SUMF1: variants seen among roughly 807,000 people sequenced by gnomAD.
The protein encoded by SUMF1 is sulfatase modifying factor 1.
A neutral mutation model predicts 47.6 loss-of-function variants in SUMF1; 48 were observed. That is an observed-to-expected ratio of 1.01 (90% CI 0.80 to 1.28). The LOEUF is 1.28. Among genes scored for constraint, SUMF1 ranks in the 50% most tolerant of loss-of-function variants. The probability of loss-of-function intolerance (pLI) is 0.00; values close to 1 mark genes in which losing one functional copy is unlikely to be tolerated. For missense variants in SUMF1, 571 were observed against 485.4 expected (o/e 1.18, Z -1.66); for synonymous variants, 230 against 192.1 (o/e 1.20, Z -1.63).
intron 8 of SUMF1, among the ~76,000 whole-genome samples, chr3:4,136,236 C>A (rs529507976): frequency 1.2e-4 from 18 of 152,184 alleles, no homozygotes; most frequent in Non-Finnish European, 2.5e-4. Flanking sequence ...TACTACAAGG[C>A]TACAGTAACC....
rs1699781379 is a variant in SUMF1, at chr3:4,362,109, C to A, written c.*35G>T. Reference sequence around the variant, plus strand: ...AAAGCCCAATGTAGGTCAGACACGACTGCTCCTTGGACTGGGGAAGACTTT... The same window carrying A: ...AAAGCCCAATGTAGGTCAGACACGAATGCTCCTTGGACTGGGGAAGACTTT... On this transcript the variant is annotated 3_prime_UTR_variant, in exon 9 of 9. Transcript: ENST00000272902. 6.3e-7 allele frequency: 1 copy of A among 1,595,364 alleles called. No homozygotes were observed. Among genetic ancestry groups the A allele is most frequent in the Non-Finnish European group, 8.6e-7 (1 of 1,163,600 alleles).
chr3:4,090,915 A>C (rs1692771547), intron 8 of SUMF1, among the ~76,000 whole-genome samples: 1 of 152,034 alleles, frequency 6.6e-6, no homozygotes, highest in Admixed American at 6.5e-5. Context: ...CCTCATCTCT[A>C]CTAAAATTAC....
chr3:4,430,923 C>G (rs1402697926), intron 3 of SUMF1, among the ~76,000 whole-genome samples: 1 of 152,114 alleles, frequency 6.6e-6, no homozygotes, highest in African/African-American at 2.4e-5. Flanking sequence ...ATCCAGAAAA[C>G]TTGGGCATCA....
chr3:4,115,865 G>A (rs1285961688), intron 8 of SUMF1, among the ~76,000 whole-genome samples: 2 of 151,936 alleles, frequency 1.3e-5, no homozygotes, highest in Non-Finnish European at 2.9e-5. Flanking sequence ...ACTAAATTGG[G>A]GCAGATCTGC....
intron 8 of SUMF1, among the ~76,000 whole-genome samples, chr3:4,125,283 C>T (rs764463099): frequency 4.6e-5 from 7 of 152,000 alleles, no homozygotes; most frequent in African/African-American, 1.2e-4. Context: ...TACATGTTAC[C>T]GGTTATTACT....
intron 8 of SUMF1, among the ~76,000 whole-genome samples, chr3:4,310,664 A>G (rs1698369158): frequency 6.6e-6 from 1 of 152,202 alleles, no homozygotes; most frequent in Non-Finnish European, 1.5e-5. Context: ...ATATCATGAG[A>G]TTCTTCAAAA....
chr3:4,447,587 AAG>A (rs1349466256), intron 3 of SUMF1, among the ~76,000 whole-genome samples: 2 of 152,170 alleles, frequency 1.3e-5, no homozygotes, highest in African/African-American at 4.8e-5. Flanking sequence ...CAAAAAAAAA[AAG>A]GTCTGGTGCA....
intron 8 of SUMF1, among the ~76,000 whole-genome samples, chr3:4,164,398 G>A (rs1694652014): frequency 6.6e-6 from 1 of 152,176 alleles, no homozygotes; most frequent in East Asian, 1.9e-4. Flanking sequence ...GGCACCCTCA[G>A]TTCTGTTGTT....
At chr3:4,208,538 T>C (rs934875075) in intron 8 of SUMF1, among the ~76,000 whole-genome samples, 1 of 151,372 alleles carries the variant, frequency 6.6e-6, no homozygotes. Context: ...GTAGAAATGT[T>C]AAAATTATCA....
intron 8 of SUMF1, among the ~76,000 whole-genome samples, chr3:4,292,437 G>A (rs1353015248): frequency 6.6e-6 from 1 of 152,204 alleles, no homozygotes; most frequent in African/African-American, 2.4e-5. Context: ...TGAAAATAAG[G>A]TGGGTGAGTC....
At chr3:4,255,053 C>A (rs313660) in intron 8 of SUMF1, among the ~76,000 whole-genome samples, 4 of 149,750 alleles carry the variant, frequency 2.7e-5, no homozygotes, top group Admixed American at 6.6e-5. Flanking sequence ...CCTTTACAGA[C>A]AAGCAAATGC....
intron 8 of SUMF1, among the ~76,000 whole-genome samples, chr3:4,093,112 G>C (rs1039581468): frequency 2.5e-4 from 38 of 152,100 alleles, no homozygotes; most frequent in African/African-American, 9.2e-4. Context: ...GTCACCACTT[G>C]TCCACTCTGA....
intron 8 of SUMF1, among the ~76,000 whole-genome samples, chr3:4,315,128 T>C (rs1475517582): frequency 2.6e-5 from 4 of 152,120 alleles, no homozygotes; most frequent in Non-Finnish European, 4.4e-5. Context: ...AAATTACAAA[T>C]ACATAGTATC....
intron 8 of SUMF1, among the ~76,000 whole-genome samples, chr3:4,283,678 A>C (rs1018841240): frequency 2.9e-4 from 44 of 152,324 alleles, no homozygotes; most frequent in African/African-American, 1.0e-3. Flanking sequence ...CCACTACCTT[A>C]AGAGGATGGT....
chr3:4,245,183 C>A (rs1381137822), intron 8 of SUMF1, among the ~76,000 whole-genome samples: 3 of 152,118 alleles, frequency 2.0e-5, no homozygotes, highest in African/African-American at 7.2e-5. Flanking sequence ...TGGGTTGGAA[C>A]ATCCTCCTTT....
intron 8 of SUMF1, among the ~76,000 whole-genome samples, chr3:4,366,046 C>G (rs1467253637): frequency 1.3e-5 from 2 of 151,748 alleles, no homozygotes; most frequent in East Asian, 3.9e-4. Context: ...ATATTGGCCC[C>G]CACTCTCTTC....
intron 8 of SUMF1, among the ~76,000 whole-genome samples, chr3:4,165,494 T>C (rs1458723009): frequency 6.6e-6 from 1 of 152,068 alleles, no homozygotes; most frequent in Non-Finnish European, 1.5e-5. Context: ...GGCTAGGATA[T>C]GGAGGTAAGC....
At chr3:4,186,032 G>A (rs755799447) in intron 8 of SUMF1, among the ~76,000 whole-genome samples, 2 of 152,174 alleles carry the variant, frequency 1.3e-5, no homozygotes, top group African/African-American at 4.8e-5. Flanking sequence ...CCTATGGACA[G>A]TATCTTCAAG....
At position 4,391,589 on chromosome 3, in the gene SUMF1, C is replaced by G. The variant is rs570697473; in HGVS notation, c.955-15200G>C. On this transcript the variant is annotated intron_variant, in intron 7 of 8. Coordinates refer to ENST00000272902, the MANE Select transcript of SUMF1 (RefSeq NM_182760.4). Reference sequence around the variant, plus strand: ...CCTTGACTTCGTGGGCCCAGGAGATCTTTCCACCTAAGCTTCCTGAGTAGC... The same window carrying G: ...CCTTGACTTCGTGGGCCCAGGAGATGTTTCCACCTAAGCTTCCTGAGTAGC... Among the ~76,000 whole-genome samples, 119 of 152,076 alleles carry G rather than the reference C, an allele frequency of 7.8e-4. 1 individual carries two copies. Among genetic ancestry groups the G allele is most frequent in the Admixed American group, 4.8e-3 (73 of 15,280 alleles).
Sources: gnomAD v4.1 joint callset for allele counts (sites outside exome capture counted in the v4.1 genomes callset) on GRCh38, gnomAD v4.1.1 for gene constraint, MANE v1.5 for transcripts, NCBI Gene and HGNC (gene_info 2026-07-23, HGNC 2026-07-21) for gene names.